TRIQK: variants seen among roughly 807,000 people sequenced by gnomAD.
TRIQK encodes the protein triple QxxK/R motif containing.
TRIQK carries 10 observed loss-of-function variants against 10.8 expected under a neutral mutation model. That is an observed-to-expected ratio of 0.92 (90% CI 0.57 to 1.57). The LOEUF is 1.57. Ranked by LOEUF, TRIQK falls within the 40% of genes most tolerant of loss-of-function variation. The pLI is 0.00. For missense variants in TRIQK, 107 were observed against 97.7 expected, an observed-to-expected ratio of 1.09 and a Z score of -0.40; for synonymous variants, 33 against 33.7, an observed-to-expected ratio of 0.98 and a Z score of 0.07.
At chr8:92,902,587 T>A (rs1221183405) in intron 3 of TRIQK, among the ~76,000 whole-genome samples, 1 of 152,160 alleles carries the variant, frequency 6.6e-6, no homozygotes, top group South Asian at 2.1e-4. Context: ...GCTTGTTTTG[T>A]GTGAATAGTT....
At chr8:92,893,613 C>T (rs570855486) in intron 3 of TRIQK, among the ~76,000 whole-genome samples, 1 of 152,036 alleles carries the variant, frequency 6.6e-6, no homozygotes, top group Admixed American at 6.6e-5. Flanking sequence ...AAAATCTTGA[C>T]AAGTGTTCAC....
intron 1 of TRIQK, among the ~76,000 whole-genome samples, chr8:92,963,159 C>G (rs1812545525): frequency 6.6e-6 from 1 of 152,100 alleles, no homozygotes; most frequent in African/African-American, 2.4e-5. Flanking sequence ...AGTCAAGTAC[C>G]AAACAGTTCA....
intron 1 of TRIQK, among the ~76,000 whole-genome samples, chr8:92,983,201 G>GT (rs1426765250): frequency 2.6e-5 from 4 of 152,050 alleles, no homozygotes; most frequent in African/African-American, 9.7e-5. Context: ...GACACTACTA[G>GT]TTTTGTCAGA....
chr8:92,985,735 G>A (rs976145916), intron 1 of TRIQK, among the ~76,000 whole-genome samples: 3 of 152,136 alleles, frequency 2.0e-5, no homozygotes, highest in African/African-American at 7.2e-5. Context: ...TGTTGCCGAT[G>A]TAATTGTTGT....
intron 3 of TRIQK, among the ~76,000 whole-genome samples, chr8:92,912,024 C>A: frequency 6.6e-6 from 1 of 150,426 alleles, no homozygotes; most frequent in South Asian, 2.1e-4. Context: ...ATTATTGAGA[C>A]AAAAAACTCA....
At chr8:92,967,111 AT>A (rs1434937260), upstream of TRIQK, among the ~76,000 whole-genome samples, 1 of 151,890 alleles carries the variant, frequency 6.6e-6, no homozygotes. Flanking sequence ...CTCCTAAATC[AT>A]TTTCTGGTCT....
intron 2 of TRIQK, among the ~76,000 whole-genome samples, chr8:92,942,130 A>T (rs868404530): frequency 1.7e-4 from 26 of 152,064 alleles, no homozygotes; most frequent in African/African-American, 6.0e-4. Flanking sequence ...AAAAAAAGAA[A>T]ACTACTCTGA....
intron 1 of TRIQK, among the ~76,000 whole-genome samples, chr8:92,964,685 T>C (rs1463395521): frequency 6.6e-6 from 1 of 151,968 alleles, no homozygotes; most frequent in Non-Finnish European, 1.5e-5. Flanking sequence ...TTTATAAATT[T>C]GGATCATATA....
intron 3 of TRIQK, among the ~76,000 whole-genome samples, chr8:92,896,792 G>C (rs1487842546): frequency 1.3e-5 from 2 of 151,298 alleles, no homozygotes; most frequent in South Asian, 4.2e-4. Flanking sequence ...TGGTAGGCTT[G>C]TGTCAACATT....
intron 2 of TRIQK, among the ~76,000 whole-genome samples, chr8:92,931,375 T>C (rs1013541310): frequency 5.3e-5 from 8 of 152,286 alleles, no homozygotes; most frequent in Admixed American, 3.3e-4. Flanking sequence ...GGAAGTCTAC[T>C]GAAAACCTTT....
intron 2 of TRIQK, among the ~76,000 whole-genome samples, chr8:92,934,347 T>C (rs1046154058): frequency 1.6e-4 from 24 of 151,900 alleles, no homozygotes; most frequent in African/African-American, 5.3e-4. Flanking sequence ...TAAGGGTAAT[T>C]ATTTTCATGC....
At chr8:92,959,477 GCATACACA>G (rs1812338645) in intron 1 of TRIQK, among the ~76,000 whole-genome samples, 1 of 99,698 alleles carries the variant, frequency 1.0e-5, no homozygotes. Flanking sequence ...TTATATATAT[GCATACACA>G]CACACACACA....
At chr8:92,916,076 C>A (rs777431451) in intron 3 of TRIQK, among the ~76,000 whole-genome samples, 2 of 151,906 alleles carry the variant, frequency 1.3e-5, no homozygotes, top group African/African-American at 2.4e-5. Flanking sequence ...GAAAAAAGTG[C>A]ACTAAAGGAG....
intron 1 of TRIQK, among the ~76,000 whole-genome samples, chr8:93,014,448 C>A (rs1813364606): frequency 6.6e-6 from 1 of 151,920 alleles, no homozygotes; most frequent in African/African-American, 2.4e-5. Flanking sequence ...GAAAATTTAG[C>A]ATTTTTGAAG....
At chr8:92,972,164 A>G (rs1160682450) in intron 1 of TRIQK, among the ~76,000 whole-genome samples, 1 of 152,066 alleles carries the variant, frequency 6.6e-6, no homozygotes, top group Non-Finnish European at 1.5e-5. Flanking sequence ...TTATAGCTCT[A>G]TCTCTTGTAT....
At chr8:92,982,005 A>G (rs1812991420) in intron 1 of TRIQK, among the ~76,000 whole-genome samples, 1 of 151,778 alleles carries the variant, frequency 6.6e-6, no homozygotes, top group Admixed American at 6.6e-5. Context: ...TTACTTTTTT[A>G]TATGAAAATA....
At chr8:93,016,785 T>C (rs1586533119) in intron 1 of TRIQK, among the ~76,000 whole-genome samples, 1 of 152,038 alleles carries the variant, frequency 6.6e-6, no homozygotes, top group South Asian at 2.1e-4. Flanking sequence ...CAGCAGCAGG[T>C]GCGAAGCCTC....
intron 3 of TRIQK, among the ~76,000 whole-genome samples, chr8:92,901,935 C>T (rs989797340): frequency 1.3e-5 from 2 of 152,050 alleles, no homozygotes; most frequent in East Asian, 3.9e-4. Context: ...TTGTTCTGTT[C>T]AGGTTTTGGA....
intron 3 of TRIQK, among the ~76,000 whole-genome samples, chr8:92,906,619 G>A (rs1382565305): frequency 2.0e-5 from 3 of 150,248 alleles, no homozygotes; most frequent in African/African-American, 7.4e-5. Flanking sequence ...TCCCTATAAA[G>A]TCACCATTAT....
Sources: gnomAD v4.1 joint callset for allele counts (sites outside exome capture counted in the v4.1 genomes callset) on GRCh38, gnomAD v4.1.1 for gene constraint, MANE v1.5 for transcripts, NCBI Gene and HGNC (gene_info 2026-07-23, HGNC 2026-07-21) for gene names.